TJP1: variants seen among roughly 807,000 people sequenced by gnomAD.
TJP1 encodes tight junction protein 1, also known as tight junction protein ZO-1.
TJP1 carries 43 observed loss-of-function variants against 194.2 expected under a neutral mutation model. The ratio of observed to expected loss-of-function variants is 0.22; its 90% confidence interval spans 0.17 to 0.29. The LOEUF is 0.29. TJP1 is among the 10% of genes least tolerant of loss of function. The pLI is 1.00. For synonymous variants in TJP1, 801 were observed against 779.0 expected (o/e 1.03, Z -0.47); for missense variants, 1,971 against 2,185.7 (o/e 0.90, Z 1.96).
intron 2 of TJP1, among the ~76,000 whole-genome samples, chr15:29,833,875 A>ATTT (rs1175518448): frequency 3.6e-4 from 6 of 16,556 alleles, no homozygotes; most frequent in Non-Finnish European, 6.0e-4. Flanking sequence ...ATATATATAT[A>ATTT]TATATATTTT....
intron 2 of TJP1, among the ~76,000 whole-genome samples, chr15:29,831,206 C>A (rs1430267456): frequency 6.6e-6 from 1 of 152,132 alleles, no homozygotes; most frequent in African/African-American, 2.4e-5. Flanking sequence ...AGCCAAATAA[C>A]TCTAATTGCT....
In TJP1 at chr15:29,710,882, G is replaced by T. The variant is rs1245506555; in HGVS notation, c.4321C>A (p.Pro1441Thr). ...LPSQYAQPSQ[P>T]VTSASLHIHS... is the part of the protein sequence containing the mutation. ...ATGTGGAGAGACGCGCTGGTGACAG[G>T]CTGAGATGGCTGGGCATACTGCGAG... Residue 1441 changes from proline (P) to threonine (T), a missense_variant, in exon 24 of 28, where the codon CCT becomes ACT. Coordinates refer to ENST00000614355, the MANE Select transcript of TJP1 (RefSeq NM_001330239.4). 1 of 1,614,000 alleles carries T rather than the reference G, an allele frequency of 6.2e-7. No homozygotes were observed. Among genetic ancestry groups the T allele is most frequent in the Non-Finnish European group, 8.5e-7 (1 of 1,180,048 alleles).
intron 10 of TJP1, among the ~76,000 whole-genome samples, chr15:29,737,972 C>A (rs2044148149): frequency 6.6e-6 from 1 of 152,102 alleles, no homozygotes. Flanking sequence ...TACTCTGCTG[C>A]CCCTCTGAGT....
At chr15:29,863,395 G>T (rs2052171652) in intron 2 of TJP1, among the ~76,000 whole-genome samples, 1 of 152,156 alleles carries the variant, frequency 6.6e-6, no homozygotes, top group Non-Finnish European at 1.5e-5. Flanking sequence ...CTTGCAAAAG[G>T]TCATGACAAG....
At chr15:29,942,401 T>TA (rs2055111841) in intron 2 of TJP1, among the ~76,000 whole-genome samples, 1 of 152,168 alleles carries the variant, frequency 6.6e-6, no homozygotes, top group Non-Finnish European at 1.5e-5. Flanking sequence ...CCTTTGTACT[T>TA]ACAACCATTT....
At chr15:29,843,130 A>G (rs1340470415) in intron 2 of TJP1, among the ~76,000 whole-genome samples, 1 of 151,702 alleles carries the variant, frequency 6.6e-6, no homozygotes, top group Non-Finnish European at 1.5e-5. Flanking sequence ...GCTATTTGCT[A>G]TTGATTGCTG....
intron 1 of TJP1, among the ~76,000 whole-genome samples, chr15:29,809,195 T>C (rs1029734797): frequency 3.9e-5 from 6 of 152,236 alleles, no homozygotes; most frequent in African/African-American, 1.2e-4. Flanking sequence ...TTTTATATCA[T>C]TGCATGCTAA....
At position 29,734,316 on chromosome 15, in the gene TJP1, T is replaced by C. The variant is rs752947775; in HGVS notation, c.1474A>G (p.Lys492Glu). The C allele has an allele frequency of 6.8e-6, 11 of 1,613,424 alleles. No homozygotes were observed. The highest frequency in any genetic ancestry group is 2.2e-5 in the South Asian group (2 of 90,932). ...GCCAATATGGTCACTTCTTCTCCTT[T>C]AGGGAGGTCAAGCAGGAAAAGGACG... is the stretch of plus-strand genomic sequence containing the variant. ...EAVLFLLDLPKGEEVTILAQK... is the reference protein window; with the variant it reads ...EAVLFLLDLPEGEEVTILAQK... The change falls in exon 12 of 28, where the codon AAA becomes GAA. Residue 492 changes from lysine to glutamate, a missense_variant. Around this residue, in one of 5 missense-constraint regions of TJP1, gnomAD observed 402 missense variants for 484.2 expected, o/e 0.83. Transcript: ENST00000614355.
chr15:29,764,638 A>G (rs1368521593), intron 5 of TJP1, among the ~76,000 whole-genome samples: 1 of 152,140 alleles, frequency 6.6e-6, no homozygotes, highest in Non-Finnish European at 1.5e-5. Flanking sequence ...ATGCATGGGA[A>G]AAAAAGAGAA....
chr15:29,893,255 T>C (rs939143575), intron 2 of TJP1, among the ~76,000 whole-genome samples: 1 of 152,186 alleles, frequency 6.6e-6, no homozygotes, highest in Non-Finnish European at 1.5e-5. Flanking sequence ...GTCAAGAAGC[T>C]GCTTCACGTA....
chr15:29,897,414 G>A (rs557890305), intron 2 of TJP1, among the ~76,000 whole-genome samples: 2 of 152,330 alleles, frequency 1.3e-5, no homozygotes, highest in South Asian at 4.1e-4. Context: ...GAAGTTTGCT[G>A]TAGAGGTGGG....
intron 2 of TJP1, among the ~76,000 whole-genome samples, chr15:29,872,840 T>C (rs1465090839): frequency 6.6e-6 from 1 of 152,196 alleles, no homozygotes; most frequent in African/African-American, 2.4e-5. Flanking sequence ...ACGTCCACTC[T>C]GAGTGAGTCT....
At chr15:29,933,872 G>A (rs1719365) in intron 2 of TJP1, among the ~76,000 whole-genome samples, 411 of 152,142 alleles carry the variant, frequency 2.7e-3, no homozygotes, top group African/African-American at 9.2e-3. Context: ...GAAAAGAACC[G>A]GGGTCACAAC....
At chr15:29,762,565 T>C (rs1475731955) in intron 5 of TJP1, 127 bp from the exon 6 acceptor site, 4 of 637,766 alleles carry the variant, frequency 6.3e-6, no homozygotes, top group Non-Finnish European at 1.0e-5. Context: ...ACAAGAAATA[T>C]TTCTTGGCCA....
At chr15:29,877,672 T>A (rs1387256100) in intron 2 of TJP1, among the ~76,000 whole-genome samples, 2 of 151,818 alleles carry the variant, frequency 1.3e-5, no homozygotes, top group Non-Finnish European at 2.9e-5. Context: ...CTCTTTCTTT[T>A]TTTTTTGAGA....
At chr15:29,878,851 G>A (rs1248034684) in intron 2 of TJP1, among the ~76,000 whole-genome samples, 1 of 152,176 alleles carries the variant, frequency 6.6e-6, no homozygotes, top group Non-Finnish European at 1.5e-5. Flanking sequence ...CTGGCCGGGC[G>A]CGGTGGCTCA....
rs2045378324 is a variant in TJP1, at chr15:29,752,864, T to C, written c.1010+8275A>G. Reference sequence around the variant, plus strand: ...CAAATCACTTTCTCCCTTGCTCTTATGATGTAGCCACATGGGCTATATTGC... The same window carrying C: ...CAAATCACTTTCTCCCTTGCTCTTACGATGTAGCCACATGGGCTATATTGC... On this transcript the variant is annotated intron_variant, in intron 8 of 27. Transcript: ENST00000614355. Among the ~76,000 whole-genome samples, 3 of 152,210 alleles carry C rather than the reference T, an allele frequency of 2.0e-5. No individual in the cohort carries two copies. In the South Asian group the frequency reaches 6.2e-4, roughly 32 times the overall value.
chr15:29,730,143 T>G (rs1022663036), intron 15 of TJP1, among the ~76,000 whole-genome samples: 5 of 152,132 alleles, frequency 3.3e-5, no homozygotes, highest in Non-Finnish European at 5.9e-5. Context: ...TTCTAAACAG[T>G]ATAAATAAAA....
chr15:29,967,613 C>A (rs1212276639), intron 1 of TJP1, among the ~76,000 whole-genome samples: 2 of 152,174 alleles, frequency 1.3e-5, no homozygotes, highest in Non-Finnish European at 2.9e-5. Flanking sequence ...TTTGTCTTAC[C>A]TTCAAAATTC....
Sources: allele counts gnomAD v4.1 joint callset (sites outside exome capture counted in the v4.1 genomes callset), GRCh38; gene constraint gnomAD v4.1.1; regional missense constraint gnomAD v4.1.1; transcripts MANE v1.5; gene names NCBI Gene and HGNC (gene_info 2026-07-23, HGNC 2026-07-21).